Variants in TLE1 observed in about 807,000 individuals in gnomAD.
TLE1 encodes the protein transducin-like enhancer protein 1.
In TLE1, 21 loss-of-function variants were observed where a neutral mutation model predicts 89.8. The observed-to-expected ratio is 0.23, with a 90% CI of 0.17 to 0.34. TLE1 has a LOEUF of 0.34. Among genes scored for constraint, TLE1 ranks in the 10% least tolerant of loss-of-function variants. The pLI, the probability that TLE1 is intolerant of heterozygous loss-of-function variation, is 1.00. For synonymous variants in TLE1, 447 were observed against 407.6 expected (o/e 1.10, Z -1.16); for missense variants, 795 against 1,031.2 (o/e 0.77, Z 3.14).
In TLE1 at chr9:81,649,800, G is replaced by A. The variant is rs569821471; in HGVS notation, c.372+2414C>T. ...GTTGACACACTGCATGTTCAATGAA[G>A]GGGTGCAAAGGTCCACTGAATTGTC... On this transcript the variant is annotated intron_variant, in intron 6 of 19. Coordinates refer to ENST00000376499, the MANE Select transcript of TLE1 (RefSeq NM_005077.5). 5.9e-5 allele frequency among the ~76,000 whole-genome samples: 9 copies of A among 152,236 alleles called. No individual in the cohort carries two copies. In the East Asian group the frequency reaches 1.7e-3, roughly 30 times the overall value.
At chr9:81,622,802 G>A (rs1373573257) in intron 8 of TLE1, among the ~76,000 whole-genome samples, 3 of 152,128 alleles carry the variant, frequency 2.0e-5, no homozygotes, top group East Asian at 3.9e-4. Context: ...TACCTTTGAT[G>A]CTGTAAAACT....
At chr9:81,655,852 CAA>C (rs5898754) in intron 4 of TLE1, among the ~76,000 whole-genome samples, 104 of 126,976 alleles carry the variant, frequency 8.2e-4, no homozygotes, top group Admixed American at 8.2e-4. Context: ...GACCCTGTCT[CAA>C]AAAAAAAAAA....
intron 8 of TLE1, among the ~76,000 whole-genome samples, chr9:81,625,066 C>A (rs1250229543): frequency 1.3e-5 from 2 of 151,966 alleles, no homozygotes; most frequent in Non-Finnish European, 2.9e-5. Flanking sequence ...TAAAGAGGGT[C>A]CAAAAATGGG....
At chr9:81,683,601 TG>T (rs1652938956) in intron 4 of TLE1, among the ~76,000 whole-genome samples, 1 of 152,186 alleles carries the variant, frequency 6.6e-6, no homozygotes, top group African/African-American at 2.4e-5. Context: ...GTTTTTCAAA[TG>T]TAAGTCCACT....
chr9:81,660,936 C>CAA (rs1246785047), intron 4 of TLE1, among the ~76,000 whole-genome samples: 83 of 29,576 alleles, frequency 2.8e-3, no homozygotes, highest in South Asian at 7.8e-3. Flanking sequence ...CCCTACTAAA[C>CAA]ACACACACAC....
chr9:81,673,384 T>C (rs1832492314), intron 4 of TLE1, among the ~76,000 whole-genome samples: 1 of 143,998 alleles, frequency 6.9e-6, no homozygotes, highest in African/African-American at 2.6e-5. Flanking sequence ...TAAAACACGG[T>C]AATGGGAAAA....
chr9:81,687,651 T>C (rs1834488588), intron 1 of TLE1, among the ~76,000 whole-genome samples: 1 of 151,738 alleles, frequency 6.6e-6, no homozygotes, highest in African/African-American at 2.4e-5. Flanking sequence ...CTCTTCCCAG[T>C]CTCCAGGGCG....
Position 81,583,969 on chromosome 9 carries a change from G to A in TLE1, c.*229C>T, listed in dbSNP as rs1483988174. The stretch of plus-strand genomic sequence containing the variant: ...CCGTTCCTCAATCCTACAACCCATG[G>A]CCCCTCTGTCCGCTTGGCCTTGGTG... On this transcript the variant is annotated 3_prime_UTR_variant, in exon 20 of 20. Coordinates refer to ENST00000376499, the MANE Select transcript of TLE1 (RefSeq NM_005077.5). The A allele has an allele frequency of 1.9e-6, 1 of 525,334 alleles. No homozygotes were observed. Among genetic ancestry groups the A allele is most frequent in the Non-Finnish European group, 3.4e-6 (1 of 292,802 alleles). The allele number at this position is 525,334 out of a possible 1,614,324, so 32.5% of individuals were successfully genotyped here. A position where few individuals can be genotyped will look rare whatever the true frequency, so the allele number is the denominator to read the frequency against.
intron 4 of TLE1, among the ~76,000 whole-genome samples, chr9:81,664,352 C>T (rs1194303560): frequency 1.3e-5 from 2 of 152,074 alleles, no homozygotes; most frequent in Non-Finnish European, 2.9e-5. Flanking sequence ...ACTCTCTTTC[C>T]CTTCATAGGA....
intron 4 of TLE1, among the ~76,000 whole-genome samples, chr9:81,680,230 T>C (rs1164183712): frequency 6.6e-6 from 1 of 151,958 alleles, no homozygotes; most frequent in East Asian, 1.9e-4. Flanking sequence ...CGAATGGAAA[T>C]CCCCAATTAA....
chr9:81,677,564 C>CAAAA (rs60091510), intron 4 of TLE1, among the ~76,000 whole-genome samples: 2 of 85,588 alleles, frequency 2.3e-5, no homozygotes, highest in East Asian at 3.2e-4. Context: ...GACTCCATCT[C>CAAAA]AAAAAAAAAA....
At chr9:81,640,727 C>A (rs1828000435) in intron 6 of TLE1, among the ~76,000 whole-genome samples, 1 of 152,156 alleles carries the variant, frequency 6.6e-6, no homozygotes, top group Admixed American at 6.6e-5. Context: ...TATAATGAAA[C>A]TGACTTTGCT....
intron 4 of TLE1, among the ~76,000 whole-genome samples, chr9:81,672,921 C>A (rs1431748567): frequency 6.6e-6 from 1 of 152,138 alleles, no homozygotes; most frequent in African/African-American, 2.4e-5. Flanking sequence ...AAGCTATTGC[C>A]TTCCAAGGAC....
At chr9:81,629,150 G>A (rs1314976067) in intron 8 of TLE1, among the ~76,000 whole-genome samples, 1 of 151,690 alleles carries the variant, frequency 6.6e-6, no homozygotes, top group African/African-American at 2.4e-5. Flanking sequence ...CATAGTCAGG[G>A]CTCAACAAAT....
chr9:81,629,992 TA>T (rs1826370493), intron 8 of TLE1, among the ~76,000 whole-genome samples: 1 of 152,138 alleles, frequency 6.6e-6, no homozygotes, highest in Non-Finnish European at 1.5e-5. Flanking sequence ...TTTCTGCCAC[TA>T]AAAATAAACA....
intron 4 of TLE1, among the ~76,000 whole-genome samples, chr9:81,673,317 T>TC (rs1832479062): frequency 6.6e-6 from 1 of 151,638 alleles, no homozygotes; most frequent in South Asian, 2.1e-4. Flanking sequence ...AAGTCCTTTT[T>TC]TTTTTTTCTC....
Position 81,653,958 on chromosome 9 carries a change from G to C in TLE1, c.297+16C>G, listed in dbSNP as rs1369886114. The C allele has an allele frequency of 1.2e-6, 2 of 1,612,878 alleles. No homozygotes were observed. Among genetic ancestry groups the C allele is most frequent in the Non-Finnish European group, 1.7e-6 (2 of 1,179,132 alleles). ...GCAACATAATTGCACTTTAACAGCT[G>C]AACAATTTTACTTACTTCCTGAGAC... On this transcript the variant is annotated intron_variant, in intron 5 of 19. Transcript: ENST00000376499.
At chr9:81,605,764 C>T (rs1831565237) in intron 14 of TLE1, among the ~76,000 whole-genome samples, 1 of 150,470 alleles carries the variant, frequency 6.6e-6, no homozygotes, top group African/African-American at 2.5e-5. Context: ...CCAAAATAGA[C>T]AAATGGGATC....
At chr9:81,616,513 T>C in intron 10 of TLE1, 133 bp downstream of exon 10, 1 of 818,022 alleles carries the variant, frequency 1.2e-6, no homozygotes, top group Non-Finnish European at 2.0e-6. Context: ...GAGCAACCAT[T>C]AACTTCTTAA....
Sources: allele counts gnomAD v4.1 joint callset (sites outside exome capture counted in the v4.1 genomes callset), GRCh38; gene constraint gnomAD v4.1.1; transcripts MANE v1.5; gene names NCBI Gene and HGNC (gene_info 2026-07-23, HGNC 2026-07-21).